NELL1: variants seen among roughly 807,000 people sequenced by gnomAD.
The protein encoded by NELL1 is neural EGFL like 1.
Under a neutral mutation model 107.4 loss-of-function variants are expected in NELL1, and 76 were observed. That is an observed-to-expected ratio of 0.71 (90% CI 0.59 to 0.86). The LOEUF (loss-of-function observed/expected upper bound fraction) is 0.86. Among genes scored for constraint, NELL1 ranks in the 40% least tolerant of loss-of-function variants. The pLI is 0.00. For synonymous variants in NELL1, 353 were observed against 341.2 expected (o/e 1.03, Z -0.38); for missense variants, 1,024 against 1,005.5 (o/e 1.02, Z -0.25).
At chr11:21,008,826 T>C (rs1000487458) in intron 12 of NELL1, among the ~76,000 whole-genome samples, 1 of 152,022 alleles carries the variant, frequency 6.6e-6, no homozygotes, top group African/African-American at 2.4e-5. Context: ...GATTTAACAG[T>C]GAGTAATTTA....
At chr11:20,768,177 A>C (rs545430661) in intron 2 of NELL1, among the ~76,000 whole-genome samples, 2 of 152,322 alleles carry the variant, frequency 1.3e-5, no homozygotes, top group African/African-American at 4.8e-5. Flanking sequence ...AATCCTTATA[A>C]CAATTGTGCA....
At chr11:21,566,098 A>T (rs1371894392) in intron 17 of NELL1, among the ~76,000 whole-genome samples, 1 of 151,964 alleles carries the variant, frequency 6.6e-6, no homozygotes, top group Non-Finnish European at 1.5e-5. Flanking sequence ...AGTGTGAAAA[A>T]GACCCACAGA....
intron 12 of NELL1, among the ~76,000 whole-genome samples, chr11:21,022,908 A>G (rs968357051): frequency 6.6e-6 from 1 of 152,064 alleles, no homozygotes; most frequent in African/African-American, 2.4e-5. Context: ...AGAGTTCAAG[A>G]TATTAAAGGG....
intron 15 of NELL1, among the ~76,000 whole-genome samples, chr11:21,482,766 A>T (rs2133902117): frequency 6.6e-6 from 1 of 151,460 alleles, no homozygotes; most frequent in Non-Finnish European, 1.5e-5. Flanking sequence ...AAAAAAAAAG[A>T]AAAAAAGAAA....
chr11:20,917,653 A>G (rs527244073), intron 5 of NELL1, among the ~76,000 whole-genome samples: 1 of 152,142 alleles, frequency 6.6e-6, no homozygotes, highest in East Asian at 1.9e-4. Context: ...AGACTGAATT[A>G]CAGAATTAAA....
chr11:21,203,546 G>T (rs1857320550), intron 13 of NELL1, among the ~76,000 whole-genome samples: 1 of 150,552 alleles, frequency 6.6e-6, no homozygotes, highest in Admixed American at 6.7e-5. Flanking sequence ...ACAGCACACT[G>T]ATGGGTCTTG....
rs75226974 is a variant in NELL1, at chr11:21,573,052, C to T, written c.2158-133C>T. ...AGTAGGTCTTCAAGGAGGAAGTGTACTTTATCCTCAATGGTGTCAACTAGA... is the reference window on the plus strand; with the variant it reads ...AGTAGGTCTTCAAGGAGGAAGTGTATTTTATCCTCAATGGTGTCAACTAGA... On this transcript the variant is annotated intron_variant, in intron 18 of 19. Coordinates refer to ENST00000357134, the MANE Select transcript of NELL1 (RefSeq NM_006157.5). 0.036 allele frequency: 24,966 copies of T among 695,062 alleles called. 4,154 individuals are homozygous for T. The African/African-American group carries it at 0.38, about 11-fold the overall frequency. 43.1% of individuals were successfully genotyped at this position (695,062 alleles called of 1,614,324 possible). A position where few individuals can be genotyped will look rare whatever the true frequency, so the allele number is the denominator to read the frequency against.
chr11:20,702,280 A>G (rs1198312778), intron 2 of NELL1, among the ~76,000 whole-genome samples: 4 of 152,112 alleles, frequency 2.6e-5, no homozygotes, highest in Admixed American at 6.6e-5. Flanking sequence ...AATTATGAAT[A>G]GGAGTTCACT....
At chr11:20,813,315 C>T (rs540043572) in intron 3 of NELL1, among the ~76,000 whole-genome samples, 5 of 152,224 alleles carry the variant, frequency 3.3e-5, no homozygotes, top group South Asian at 4.1e-4. Flanking sequence ...ATCATGGAAT[C>T]CTTGGGATGT....
At chr11:21,098,376 T>A (rs1271245874) in intron 12 of NELL1, among the ~76,000 whole-genome samples, 8 of 152,178 alleles carry the variant, frequency 5.3e-5, no homozygotes, top group Non-Finnish European at 8.8e-5. Flanking sequence ...TCTCTTCTTA[T>A]TAACGGTGAA....
chr11:21,221,860 T>C lies in NELL1; in HGVS notation c.1427-7472T>C, dbSNP rs1255487845. The stretch of plus-strand genomic sequence containing the variant: ...GGTGTGGGCCACCATACCTGGATAA[T>C]TTTTGTAGTTTTTATAGAGGTGGTA... On this transcript the variant is annotated intron_variant, in intron 13 of 19. Coordinates refer to ENST00000357134, the MANE Select transcript of NELL1 (RefSeq NM_006157.5). Among the ~76,000 whole-genome samples, 4 of 151,902 alleles carry C rather than the reference T, an allele frequency of 2.6e-5. No homozygotes were observed. In the South Asian group the frequency reaches 8.3e-4, roughly 32 times the overall value.
At chr11:20,982,290 T>G (rs1851765834) in intron 12 of NELL1, among the ~76,000 whole-genome samples, 1 of 152,094 alleles carries the variant, frequency 6.6e-6, no homozygotes, top group African/African-American at 2.4e-5. Context: ...CAAATGAAAC[T>G]GAGGGTGTTG....
intron 14 of NELL1, among the ~76,000 whole-genome samples, chr11:21,275,029 A>C (rs1186224159): frequency 6.6e-6 from 1 of 152,234 alleles, no homozygotes; most frequent in African/African-American, 2.4e-5. Flanking sequence ...AGCTAGCAGA[A>C]GGCAAGAAAT....
intron 14 of NELL1, among the ~76,000 whole-genome samples, chr11:21,283,261 C>T (rs907006359): frequency 1.3e-5 from 2 of 152,034 alleles, no homozygotes; most frequent in African/African-American, 2.4e-5. Flanking sequence ...ATGCCTGTAT[C>T]GAAATGTCTC....
intron 3 of NELL1, among the ~76,000 whole-genome samples, chr11:20,840,967 A>C (rs1194306033): frequency 1.3e-5 from 2 of 152,208 alleles, no homozygotes; most frequent in Non-Finnish European, 2.9e-5. Flanking sequence ...TAGACTAGCA[A>C]TAACTTGTGC....
chr11:21,499,718 G>A (rs1331073718), intron 15 of NELL1, among the ~76,000 whole-genome samples: 1 of 152,066 alleles, frequency 6.6e-6, no homozygotes, highest in East Asian at 1.9e-4. Flanking sequence ...ATTCAGTTTT[G>A]TCATGACTCT....
At chr11:21,073,741 A>C (rs1036323991) in intron 12 of NELL1, among the ~76,000 whole-genome samples, 15 of 152,188 alleles carry the variant, frequency 9.9e-5, no homozygotes, top group Non-Finnish European at 1.5e-5. Flanking sequence ...AAAACATTAA[A>C]AGTAGTTGAG....
intron 14 of NELL1, among the ~76,000 whole-genome samples, chr11:21,301,315 G>T (rs1388186307): frequency 6.6e-6 from 1 of 152,100 alleles, no homozygotes; most frequent in African/African-American, 2.4e-5. Context: ...TTGAGGAATC[G>T]CCACACTGTC....
intron 13 of NELL1, among the ~76,000 whole-genome samples, chr11:21,212,017 G>A (rs1857508390): frequency 6.6e-6 from 1 of 151,916 alleles, no homozygotes; most frequent in African/African-American, 2.4e-5. Flanking sequence ...GTAGAGATGG[G>A]GTTTCACCAT....
Sources: gnomAD v4.1 joint callset for allele counts (sites outside exome capture counted in the v4.1 genomes callset) on GRCh38, gnomAD v4.1.1 for gene constraint, MANE v1.5 for transcripts, NCBI Gene and HGNC (gene_info 2026-07-23, HGNC 2026-07-21) for gene names.